Variants in GPR39 observed in about 807,000 individuals in gnomAD.
GPR39 encodes the protein zinc sensing receptor.
Under a neutral mutation model 18.4 loss-of-function variants are expected in GPR39, and 23 were observed. The observed-to-expected ratio is 1.25, with a 90% CI of 0.90 to 1.77. GPR39 has a LOEUF of 1.77. Among genes scored for constraint, GPR39 ranks in the 40% most tolerant of loss-of-function variants. GPR39 has a pLI of 0.00. For missense variants in GPR39, 647 were observed against 602.4 expected (o/e 1.07, Z -0.78); for synonymous variants, 280 against 257.9 (o/e 1.09, Z -0.82).
chr2:132,484,597 T>G (rs978379837), intron 1 of GPR39, among the ~76,000 whole-genome samples: 1 of 152,146 alleles, frequency 6.6e-6, no homozygotes, highest in African/African-American at 2.4e-5. Context: ...CAATCCATGT[T>G]AAGTTAAAAC....
At position 132,521,221 on chromosome 2, in the gene GPR39, G is replaced by A. The variant is rs562232079; in HGVS notation, c.856+103323G>A. ...TGGCCTCTGCTTGTGCCTCGGTCAC[G>A]TGGGCACTGCTAGCTGTAAAGGAGC... On this transcript the variant is annotated intron_variant, in intron 1 of 1. Coordinates refer to ENST00000329321, the MANE Select transcript of GPR39 (RefSeq NM_001508.3). Among the ~76,000 whole-genome samples, 9 of 152,320 alleles carry A rather than the reference G, an allele frequency of 5.9e-5. No homozygotes were observed. The East Asian group carries it at 9.7e-4, about 16-fold the overall frequency.
chr2:132,489,690 C>A (rs906788908), intron 1 of GPR39, among the ~76,000 whole-genome samples: 2 of 151,858 alleles, frequency 1.3e-5, no homozygotes, highest in Non-Finnish European at 2.9e-5. Flanking sequence ...CTGGGTGGAT[C>A]AAACCTTTAT....
intron 1 of GPR39, among the ~76,000 whole-genome samples, chr2:132,558,178 C>G (rs1680189280): frequency 6.6e-6 from 1 of 152,008 alleles, no homozygotes; most frequent in Non-Finnish European, 1.5e-5. Context: ...CGTCATCCTC[C>G]TTAGCTTCTC....
intron 1 of GPR39, among the ~76,000 whole-genome samples, chr2:132,575,907 C>G (rs1365800382): frequency 6.6e-6 from 1 of 151,994 alleles, no homozygotes; most frequent in African/African-American, 2.4e-5. Context: ...GGTATTAGTG[C>G]CATTGTAAAG....
At chr2:132,504,265 G>A (rs997537503) in intron 1 of GPR39, among the ~76,000 whole-genome samples, 3 of 152,140 alleles carry the variant, frequency 2.0e-5, no homozygotes, top group South Asian at 2.1e-4. Context: ...AAAGTCTAAA[G>A]CCATCATTCA....
At chr2:132,544,867 G>A (rs985273970) in intron 1 of GPR39, among the ~76,000 whole-genome samples, 10 of 152,330 alleles carry the variant, frequency 6.6e-5, no homozygotes, top group Middle Eastern at 3.4e-3. Flanking sequence ...AATGGGAAGT[G>A]CATGCTGATT....
chr2:132,515,577 A>G (rs1679318593), intron 1 of GPR39, among the ~76,000 whole-genome samples: 1 of 152,218 alleles, frequency 6.6e-6, no homozygotes, highest in East Asian at 1.9e-4. Context: ...GAAATTGAGA[A>G]GATCACAGAA....
chr2:132,490,659 G>T (rs1280333243), intron 1 of GPR39, among the ~76,000 whole-genome samples: 1 of 151,878 alleles, frequency 6.6e-6, no homozygotes, highest in East Asian at 1.9e-4. Context: ...GAGGATGATG[G>T]CTATTCTAAG....
chr2:132,418,307 C>T (rs904679907), intron 1 of GPR39, among the ~76,000 whole-genome samples: 3 of 152,122 alleles, frequency 2.0e-5, no homozygotes, highest in African/African-American at 4.8e-5. Context: ...TACAGGGAAC[C>T]GTCTTATCTA....
intron 1 of GPR39, among the ~76,000 whole-genome samples, chr2:132,639,373 G>T (rs750621676): frequency 1.2e-4 from 18 of 152,082 alleles, no homozygotes; most frequent in Non-Finnish European, 2.2e-4. Flanking sequence ...GCAGGAGGAG[G>T]ACAGAGCAGA....
chr2:132,612,191 T>A (rs558262186), intron 1 of GPR39, among the ~76,000 whole-genome samples: 5 of 152,288 alleles, frequency 3.3e-5, no homozygotes, highest in Admixed American at 6.5e-5. Flanking sequence ...TTGCTCAGCC[T>A]TCCTTCCTTT....
intron 1 of GPR39, among the ~76,000 whole-genome samples, chr2:132,423,047 C>G (rs952278422): frequency 6.6e-6 from 1 of 151,886 alleles, no homozygotes; most frequent in South Asian, 2.1e-4. Context: ...AGTCAAGGAG[C>G]CCCTCTGGCT....
At chr2:132,578,674 A>C (rs987332411) in intron 1 of GPR39, among the ~76,000 whole-genome samples, 2 of 152,178 alleles carry the variant, frequency 1.3e-5, no homozygotes, top group Non-Finnish European at 2.9e-5. Context: ...CTTAACCACT[A>C]TTCACTCCAG....
rs1256292299 is a variant in GPR39, at chr2:132,582,911, CTTTCTTTT to C, written c.857-62186_857-62179del. Among the ~76,000 whole-genome samples, 100 of 114,044 alleles carry C rather than the reference CTTTCTTTT, an allele frequency of 8.8e-4. 1 individual carries two copies. Among genetic ancestry groups the C allele is most frequent in the African/African-American group, 3.0e-3 (97 of 32,004 alleles). 74.8% of individuals were successfully genotyped at this position (114,044 alleles called of 152,430 possible). A position where few individuals can be genotyped will look rare whatever the true frequency, so the allele number is the denominator to read the frequency against. On this transcript the variant is annotated intron_variant, in intron 1 of 1. Coordinates refer to ENST00000329321, the MANE Select transcript of GPR39 (RefSeq NM_001508.3). The stretch of plus-strand genomic sequence containing the variant: ...TGAATAGAGAGAATTAGATTTCTTT[CTTTCTTTT>C]TTTTTTTTTTTTTTTTTTGGAGATA...
intron 1 of GPR39, among the ~76,000 whole-genome samples, chr2:132,579,438 G>T (rs183850623): frequency 6.4e-4 from 97 of 152,238 alleles, no homozygotes; most frequent in African/African-American, 2.1e-3. Context: ...TTCTGTTGCT[G>T]TGTGGAGTGT....
intron 1 of GPR39, among the ~76,000 whole-genome samples, chr2:132,528,822 A>T (rs1416622342): frequency 6.6e-6 from 1 of 152,164 alleles, no homozygotes; most frequent in African/African-American, 2.4e-5. Context: ...TATCAGCTTA[A>T]GGAGTTTTGG....
At chr2:132,427,786 C>A (rs1573596765) in intron 1 of GPR39, among the ~76,000 whole-genome samples, 1 of 149,640 alleles carries the variant, frequency 6.7e-6, no homozygotes, top group African/African-American at 2.4e-5. Context: ...AGGCCTCGAA[C>A]TCCTGGGCTC....
intron 1 of GPR39, among the ~76,000 whole-genome samples, chr2:132,503,953 C>T (rs1010025993): frequency 4.6e-5 from 7 of 152,298 alleles, no homozygotes; most frequent in Admixed American, 1.3e-4. Flanking sequence ...CTCCATGCTC[C>T]CCCAACAGCA....
chr2:132,428,902 T>C (rs1680175568), intron 1 of GPR39, among the ~76,000 whole-genome samples: 1 of 152,158 alleles, frequency 6.6e-6, no homozygotes, highest in Non-Finnish European at 1.5e-5. Flanking sequence ...ATTTGGAAGG[T>C]GGTGAAAATG....
Sources: allele counts gnomAD v4.1 joint callset (sites outside exome capture counted in the v4.1 genomes callset), GRCh38; gene constraint gnomAD v4.1.1; transcripts MANE v1.5; gene names NCBI Gene and HGNC (gene_info 2026-07-23, HGNC 2026-07-21).